Variants in ZBTB7C observed in about 807,000 individuals in gnomAD.
The protein encoded by ZBTB7C is zinc finger and BTB domain-containing protein 7C.
ZBTB7C carries 8 observed loss-of-function variants against 25.7 expected under a neutral mutation model. That is an observed-to-expected ratio of 0.31 (90% CI 0.18 to 0.56). The LOEUF (loss-of-function observed/expected upper bound fraction) is 0.56. Ranked by LOEUF, ZBTB7C falls within the 20% of genes least tolerant of loss-of-function variation. ZBTB7C has a pLI of 0.91. For synonymous variants in ZBTB7C, 394 were observed against 369.0 expected (o/e 1.07, Z -0.78); for missense variants, 824 against 855.2 (o/e 0.96, Z 0.46).
intron 1 of ZBTB7C, among the ~76,000 whole-genome samples, chr18:48,389,836 A>AC (rs1301211303): frequency 1.3e-5 from 2 of 152,246 alleles, no homozygotes; most frequent in Admixed American, 6.5e-5. Context: ...ACGAAGAGGC[A>AC]CTTGATACAT....
At chr18:48,375,258 G>A (rs565054453) in intron 1 of ZBTB7C, among the ~76,000 whole-genome samples, 12 of 152,268 alleles carry the variant, frequency 7.9e-5, no homozygotes, top group Middle Eastern at 3.4e-3. Flanking sequence ...GTCTCTCCCC[G>A]CCTGGTGTGC....
intron 2 of ZBTB7C, among the ~76,000 whole-genome samples, chr18:48,278,341 C>T (rs574531031): frequency 6.6e-6 from 1 of 152,200 alleles, no homozygotes; most frequent in African/African-American, 2.4e-5. Context: ...AGGCCCCAGA[C>T]ATGGGAGTGG....
chr18:48,108,159 T>C lies in ZBTB7C; in HGVS notation c.-16-67036A>G, dbSNP rs561317178. Among the ~76,000 whole-genome samples the C allele has an allele frequency of 2.0e-5, 3 of 152,230 alleles. No homozygotes were observed. The South Asian group carries it at 6.2e-4, about 32-fold the overall frequency. On this transcript the variant is annotated intron_variant, in intron 3 of 4. Transcript: ENST00000590800. The stretch of plus-strand genomic sequence containing the variant: ...CTCGTCTATTCTAATGGCCCTATTT[T>C]ACAGGGAGGAAACTGAGACTCATGG...
At chr18:48,217,208 T>C (rs1442742926) in intron 2 of ZBTB7C, among the ~76,000 whole-genome samples, 1 of 152,146 alleles carries the variant, frequency 6.6e-6, no homozygotes, top group Admixed American at 6.5e-5. Context: ...CTCAACTCAG[T>C]ATGTGTGATT....
intron 2 of ZBTB7C, among the ~76,000 whole-genome samples, chr18:48,273,683 G>A (rs998390915): frequency 7.9e-5 from 12 of 151,992 alleles, no homozygotes; most frequent in East Asian, 5.8e-4. Context: ...AGGTAGAAAC[G>A]TTAAGATTGA....
chr18:48,398,600 C>T (rs1275064442), intron 1 of ZBTB7C, among the ~76,000 whole-genome samples: 1 of 152,136 alleles, frequency 6.6e-6, no homozygotes, highest in South Asian at 2.1e-4. Context: ...GCTGCCTTAA[C>T]CTCCTTTCCC....
At chr18:48,225,254 G>A (rs2043058903) in intron 2 of ZBTB7C, among the ~76,000 whole-genome samples, 1 of 151,834 alleles carries the variant, frequency 6.6e-6, no homozygotes, top group Non-Finnish European at 1.5e-5. Context: ...GGGAGAAGAG[G>A]TAAAAGAGGG....
chr18:48,348,209 C>T (rs199946150), intron 1 of ZBTB7C, among the ~76,000 whole-genome samples: 4 of 152,150 alleles, frequency 2.6e-5, no homozygotes, highest in Admixed American at 1.3e-4. Context: ...GAGTTGATGC[C>T]GTCATAGGAG....
rs143452660 is a variant in ZBTB7C at position 48,238,030 on chromosome 18, T to C, written c.-78-52035A>G. Among the ~76,000 whole-genome samples the C allele has an allele frequency of 8.6e-3, 1,307 of 152,224 alleles. 12 individuals are homozygous for C. Among genetic ancestry groups the C allele is most frequent in the African/African-American group, 0.026 (1,082 of 41,542 alleles). On this transcript the variant is annotated intron_variant, in intron 2 of 4. Transcript: ENST00000590800. ...TAAAATGATTCTATTTTTATTAGGT[T>C]CAAAACTAGGAAAGTCCAAAATTAA...
chr18:48,306,570 A>G (rs1373011249), intron 2 of ZBTB7C, among the ~76,000 whole-genome samples: 1 of 152,220 alleles, frequency 6.6e-6, no homozygotes, highest in Non-Finnish European at 1.5e-5. Context: ...GTATTCAGGT[A>G]CCTGGAATTT....
At chr18:48,092,339 G>A (rs907666074) in intron 3 of ZBTB7C, among the ~76,000 whole-genome samples, 1 of 152,210 alleles carries the variant, frequency 6.6e-6, no homozygotes, top group Non-Finnish European at 1.5e-5. Flanking sequence ...GCCTGGTAAG[G>A]AGCAGCTGCG....
intron 2 of ZBTB7C, among the ~76,000 whole-genome samples, chr18:48,314,475 A>G (rs1010471537): frequency 1.3e-5 from 2 of 152,126 alleles, no homozygotes; most frequent in Non-Finnish European, 2.9e-5. Flanking sequence ...TAAACTTCTC[A>G]TTGCTTATCT....
At chr18:48,351,352 C>T (rs1044219138) in intron 1 of ZBTB7C, among the ~76,000 whole-genome samples, 2 of 152,052 alleles carry the variant, frequency 1.3e-5, no homozygotes, top group South Asian at 4.1e-4. Flanking sequence ...AGGACAAAGC[C>T]GGCAGCCAGC....
chr18:48,322,300 A>G (rs567688889), intron 2 of ZBTB7C, among the ~76,000 whole-genome samples: 218 of 152,276 alleles, frequency 1.4e-3, no homozygotes, highest in African/African-American at 5.1e-3. Context: ...CAGGATGTCT[A>G]GCAGCATCCC....
intron 3 of ZBTB7C, among the ~76,000 whole-genome samples, chr18:48,124,084 A>T (rs1423623908): frequency 2.0e-5 from 3 of 152,226 alleles, no homozygotes; most frequent in African/African-American, 7.2e-5. Context: ...CCTGGGGATC[A>T]TAGGCTGGGT....
intron 3 of ZBTB7C, among the ~76,000 whole-genome samples, chr18:48,089,003 C>T (rs560656543): frequency 1.6e-4 from 25 of 152,294 alleles, no homozygotes; most frequent in African/African-American, 5.8e-4. Context: ...ATTGAAACCA[C>T]AGCTTACCTG....
At chr18:48,342,501 C>CCTGGCCCTCCAG (rs2046627678) in intron 1 of ZBTB7C, among the ~76,000 whole-genome samples, 1 of 152,224 alleles carries the variant, frequency 6.6e-6, no homozygotes, top group African/African-American at 2.4e-5. Flanking sequence ...CGAACCCCTC[C>CCTGGCCCTCCAG]CTGGCCCTCC....
At chr18:48,168,815 T>C (rs1344270667) in intron 3 of ZBTB7C, among the ~76,000 whole-genome samples, 1 of 152,240 alleles carries the variant, frequency 6.6e-6, no homozygotes, top group Non-Finnish European at 1.5e-5. Context: ...GAATCAGGCA[T>C]AAACATGGCT....
intron 2 of ZBTB7C, among the ~76,000 whole-genome samples, chr18:48,320,340 G>A (rs1466233375): frequency 1.3e-5 from 2 of 152,212 alleles, no homozygotes; most frequent in Admixed American, 1.3e-4. Context: ...GGCTGCTGTG[G>A]GGACTTGGCA....
Sources: gnomAD v4.1 joint callset for allele counts (sites outside exome capture counted in the v4.1 genomes callset) on GRCh38, gnomAD v4.1.1 for gene constraint, MANE v1.5 for transcripts, NCBI Gene and HGNC (gene_info 2026-07-23, HGNC 2026-07-21) for gene names.